Variants in TRPC7 observed in about 807,000 individuals in gnomAD.
The protein encoded by TRPC7 is short transient receptor potential channel 7.
In TRPC7, 42 loss-of-function variants were observed where a neutral mutation model predicts 90.1. The observed-to-expected ratio is 0.47, with a 90% confidence interval of 0.36 to 0.60. The LOEUF (loss-of-function observed/expected upper bound fraction) is 0.60, where lower values mean the gene tolerates loss of function less well. Ranked by LOEUF, TRPC7 falls within the 20% of genes least tolerant of loss-of-function variation. The probability of loss-of-function intolerance (pLI) is 0.00; values close to 1 mark genes in which losing one functional copy is unlikely to be tolerated. For missense variants in TRPC7, 955 were observed against 1,112.3 expected (o/e 0.86, Z 2.01); for synonymous variants, 451 against 436.3 (o/e 1.03, Z -0.42).
intron 2 of TRPC7, among the ~76,000 whole-genome samples, chr5:136,346,568 C>A (rs1416386610): frequency 6.6e-6 from 1 of 152,176 alleles, no homozygotes; most frequent in Admixed American, 6.5e-5. Context: ...ATACACACAA[C>A]ACACACGGAC....
At chr5:136,318,699 G>A (rs1759103166) in intron 2 of TRPC7, among the ~76,000 whole-genome samples, 1 of 152,060 alleles carries the variant, frequency 6.6e-6, no homozygotes, top group African/African-American at 2.4e-5. Flanking sequence ...AATAACTGCA[G>A]ATCCTTCCCT....
chr5:136,309,677 C>T (rs1477867073), intron 3 of TRPC7, among the ~76,000 whole-genome samples: 1 of 152,242 alleles, frequency 6.6e-6, no homozygotes, highest in African/African-American at 2.4e-5. Context: ...CCGAGTGACC[C>T]TCTGGCATGC....
At chr5:136,246,603 C>T (rs995139187) in intron 7 of TRPC7, among the ~76,000 whole-genome samples, 4 of 152,222 alleles carry the variant, frequency 2.6e-5, no homozygotes, top group African/African-American at 7.2e-5. Flanking sequence ...TCACTTCACA[C>T]ACCTCTCATG....
intron 2 of TRPC7, among the ~76,000 whole-genome samples, chr5:136,335,452 A>C (rs932116967): frequency 1.3e-5 from 2 of 152,050 alleles, no homozygotes; most frequent in African/African-American, 4.8e-5. Flanking sequence ...TCTAATCTAC[A>C]GTGTCTCTTA....
chr5:136,258,525 C>G (rs750278552), intron 5 of TRPC7, among the ~76,000 whole-genome samples: 125 of 152,152 alleles, frequency 8.2e-4, no homozygotes, highest in Non-Finnish European at 1.5e-3. Flanking sequence ...ATTTCCCTCA[C>G]TCAGGGATGC....
chr5:136,320,869 G>A lies in TRPC7; in HGVS notation c.781-5090C>T, dbSNP rs1039234450. On this transcript the variant is annotated intron_variant, in intron 2 of 11. Transcript: ENST00000513104. ...TGTGGCTCCTCCACTCCTCATTACC[G>A]TTCCCTGCTTTTCCTTTCTGTTTTC... Among the ~76,000 whole-genome samples, 10 of 152,014 alleles carry A rather than the reference G, an allele frequency of 6.6e-5. 1 individual carries two copies. Among genetic ancestry groups the A allele is most frequent in the South Asian group, 2.1e-4 (1 of 4,814 alleles).
chr5:136,251,098 A>T (rs2149805528), intron 6 of TRPC7, among the ~76,000 whole-genome samples: 1 of 152,346 alleles, frequency 6.6e-6, no homozygotes, highest in East Asian at 1.9e-4. Flanking sequence ...CATATGTTAT[A>T]ACTATTATTA....
chr5:136,330,924 C>T (rs1759478703), intron 2 of TRPC7, among the ~76,000 whole-genome samples: 1 of 152,130 alleles, frequency 6.6e-6, no homozygotes, highest in Non-Finnish European at 1.5e-5. Flanking sequence ...TCCTCCAGCC[C>T]CAGCTGCTAT....
At chr5:136,232,477 G>T (rs908666225) in intron 7 of TRPC7, among the ~76,000 whole-genome samples, 3 of 152,230 alleles carry the variant, frequency 2.0e-5, no homozygotes, top group African/African-American at 7.2e-5. Flanking sequence ...TATCAAGAAT[G>T]AGAGTGGGGA....
intron 3 of TRPC7, among the ~76,000 whole-genome samples, chr5:136,279,099 T>A (rs1227890282): frequency 6.6e-6 from 1 of 152,046 alleles, no homozygotes; most frequent in Non-Finnish European, 1.5e-5. Flanking sequence ...TTACGTTAGG[T>A]CTCTTGTGCC....
chr5:136,249,353 G>C (rs1379069609), intron 6 of TRPC7, among the ~76,000 whole-genome samples: 1 of 152,118 alleles, frequency 6.6e-6, no homozygotes, highest in East Asian at 1.9e-4. Flanking sequence ...AATTGCATTT[G>C]GAAATATAAT....
chr5:136,301,875 G>A (rs548582700), intron 3 of TRPC7, among the ~76,000 whole-genome samples: 40 of 152,208 alleles, frequency 2.6e-4, no homozygotes, highest in African/African-American at 9.4e-4. Flanking sequence ...TCCCTTGGGA[G>A]ATCAATCCCC....
Position 136,266,390 on chromosome 5 carries a change from G to C in TRPC7, c.1175C>G (p.Ala392Gly). The change falls in exon 5 of 12, where the codon GCA becomes GGA. Residue 392 changes from alanine (A) to glycine (G), a missense_variant. This residue lies in a region of TRPC7 where 484 missense variants were observed against 509.6 expected (regional missense o/e 0.95). Transcript: ENST00000513104. ...RSPFMKFVAHAVSFTIFLGLL... is the reference protein window; with the variant it reads ...RSPFMKFVAHGVSFTIFLGLL... ...TCCCAAGAAGATTGTAAAAGAAACT[G>C]CATGAGCTACAAACTTCATGAAAGG... 1.2e-6 allele frequency: 2 copies of C among 1,613,806 alleles called. No homozygotes were observed. Among genetic ancestry groups the C allele is most frequent in the Non-Finnish European group, 1.7e-6 (2 of 1,179,800 alleles).
At chr5:136,288,276 T>A (rs1434603395) in intron 3 of TRPC7, among the ~76,000 whole-genome samples, 1 of 152,170 alleles carries the variant, frequency 6.6e-6, no homozygotes, top group Non-Finnish European at 1.5e-5. Flanking sequence ...AAATTCATAC[T>A]GTTTATGCCT....
In TRPC7 at chr5:136,357,252, G is replaced by T. The variant is rs1209602545; in HGVS notation, c.136C>A (p.Arg46Ser). Reference sequence around the variant, plus strand: ...CCATACTCAGCCGAGTCCAGGAAGCGCTCCTCCTCGGGCGTCAGACTGGTG... The same window carrying T: ...CCATACTCAGCCGAGTCCAGGAAGCTCTCCTCCTCGGGCGTCAGACTGGTG... The part of the protein sequence containing the change: ...KGTSLTPEEE[R>S]FLDSAEYGNI... The change falls in exon 2 of 12, where the codon CGC becomes AGC. Residue 46 changes from arginine to serine, a missense_variant. This residue lies in a region of TRPC7 where 161 missense variants were observed against 145.7 expected (regional missense o/e 1.10). Coordinates refer to ENST00000513104, the MANE Select transcript of TRPC7 (RefSeq NM_020389.3). 1.2e-6 allele frequency: 2 copies of T among 1,613,646 alleles called. No homozygotes were observed. Among genetic ancestry groups the T allele is most frequent in the Non-Finnish European group, 1.7e-6 (2 of 1,179,952 alleles).
At chr5:136,322,195 A>G (rs1759219646) in intron 2 of TRPC7, among the ~76,000 whole-genome samples, 2 of 151,998 alleles carry the variant, frequency 1.3e-5, no homozygotes, top group South Asian at 2.1e-4. Context: ...TTGTATTTTT[A>G]GTAGAGACAG....
chr5:136,291,285 A>G (rs1380356258), intron 3 of TRPC7, among the ~76,000 whole-genome samples: 1 of 152,246 alleles, frequency 6.6e-6, no homozygotes, highest in African/African-American at 2.4e-5. Flanking sequence ...AAATTCACAC[A>G]TAACAATACT....
At chr5:136,327,313 A>G (rs1242954465) in intron 2 of TRPC7, among the ~76,000 whole-genome samples, 1 of 152,186 alleles carries the variant, frequency 6.6e-6, no homozygotes, top group Non-Finnish European at 1.5e-5. Context: ...AAAGGAGAAG[A>G]AGAGAAACTT....
chr5:136,224,913 A>G (rs1227545874), intron 10 of TRPC7, among the ~76,000 whole-genome samples: 1 of 152,102 alleles, frequency 6.6e-6, no homozygotes, highest in Non-Finnish European at 1.5e-5. Context: ...CTCCTTGAAG[A>G]TGTCCTCTCT....
Sources: allele counts gnomAD v4.1 joint callset (sites outside exome capture counted in the v4.1 genomes callset), GRCh38; gene constraint gnomAD v4.1.1; regional missense constraint gnomAD v4.1.1; transcripts MANE v1.5; gene names NCBI Gene and HGNC (gene_info 2026-07-23, HGNC 2026-07-21).